Variants in ERAP1 observed in about 807,000 individuals in gnomAD.
ERAP1 encodes the protein adipocyte-derived leucine aminopeptidase.
ERAP1 carries 86 observed loss-of-function variants against 103.7 expected under a neutral mutation model. That is an observed-to-expected ratio of 0.83 (90% CI 0.70 to 0.99). The LOEUF is 0.99. ERAP1 is among the 50% of genes least tolerant of loss of function. The pLI is 0.00. For synonymous variants in ERAP1, 398 were observed against 402.4 expected, an observed-to-expected ratio of 0.99 and a Z score of 0.13; for missense variants, 1,009 against 1,128.4, an observed-to-expected ratio of 0.89 and a Z score of 1.52.
At chr5:96,931,314 G>A in the ERAP1 span, among the ~76,000 whole-genome samples, 89 of 152,148 alleles carry the variant, frequency 5.8e-4, 1 homozygote, top group South Asian at 0.017. Flanking sequence ...AGACCACCAC[G>A]CTTAGCTAAT....
the ERAP1 span, among the ~76,000 whole-genome samples, chr5:96,845,962 G>T: frequency 6.6e-6 from 1 of 152,108 alleles, no homozygotes; most frequent in African/African-American, 2.4e-5. Flanking sequence ...GCATACAATA[G>T]GGCATAATTT....
At chr5:96,783,883 A>G in intron 14 of ERAP1, 41 bp downstream of exon 14, 2 of 1,521,160 alleles carry the variant, frequency 1.3e-6, no homozygotes, top group Non-Finnish European at 1.8e-6. Context: ...ACACTTTTTA[A>G]CACAAATAAT....
At chr5:96,802,591 A>G (rs1778127066) in intron 2 of ERAP1, among the ~76,000 whole-genome samples, 1 of 152,204 alleles carries the variant, frequency 6.6e-6, no homozygotes, top group Admixed American at 6.5e-5. Flanking sequence ...ATCTCCCCCA[A>G]ATAAGTCTCC....
chr5:96,916,456 CTTTTTTTTTTT>C, the ERAP1 span, among the ~76,000 whole-genome samples: 1 of 97,640 alleles, frequency 1.0e-5, no homozygotes, highest in African/African-American at 4.3e-5. Context: ...TTCTAGTTAT[CTTTTTTTTTTT>C]TTTTTTTTTT....
chr5:96,763,105 A>C (rs1768569263), exon 20 of ERAP1: 5 of 777,478 alleles, frequency 6.4e-6, no homozygotes, highest in Non-Finnish European at 1.2e-5. Flanking sequence ...CTAGATGGAG[A>C]TGAAGTAACT....
chr5:96,844,275 A>G, the ERAP1 span, among the ~76,000 whole-genome samples: 3 of 152,132 alleles, frequency 2.0e-5, no homozygotes, highest in Non-Finnish European at 4.4e-5. Context: ...ACAGCAATCA[A>G]ACTCTGTCAC....
In ERAP1 at chr5:96,786,529, A is replaced by C; in HGVS notation, c.1700T>G (p.Leu567Trp). 6.2e-7 allele frequency: 1 copy of C among 1,612,462 alleles called. No homozygotes were observed. Among genetic ancestry groups the C allele is most frequent in the Non-Finnish European group, 8.5e-7 (1 of 1,178,708 alleles). Reference sequence around the variant, plus strand: ...GTCGGATTTGCTGGTGATGAATGTCAATGGAACATGCCACAGGTACCTAAA... The same window carrying C: ...GTCGGATTTGCTGGTGATGAATGTCCATGGAACATGCCACAGGTACCTAAA... ...PDTGYLWHVP[L>W]TFITSKSDMV... Residue 567 changes from leucine (L) to tryptophan (W), a missense_variant, in exon 12 of 19, where the codon TTG (leucine) becomes TGG (tryptophan). Transcript: ENST00000443439.
intron 1 of ERAP1, 136 bp downstream of exon 1, chr5:96,807,724 C>CTT: frequency 1.8e-6 from 1 of 558,192 alleles, no homozygotes; most frequent in Non-Finnish European, 2.3e-6. Flanking sequence ...GCCCCGTCTC[C>CTT]CTCCTCCCGT....
chr5:96,822,461 T>C, the ERAP1 span, among the ~76,000 whole-genome samples: 2 of 152,076 alleles, frequency 1.3e-5, no homozygotes, highest in African/African-American at 4.8e-5. Context: ...TAGAAAAAAA[T>C]CCAGATAAAG....
the ERAP1 span, among the ~76,000 whole-genome samples, chr5:96,882,351 T>C: frequency 6.6e-6 from 1 of 152,228 alleles, no homozygotes; most frequent in South Asian, 2.1e-4. Flanking sequence ...TGTAGGACTT[T>C]CCAGCATGCC....
intron 3 of ERAP1, among the ~76,000 whole-genome samples, chr5:96,799,713 A>G (rs1343550085): frequency 1.3e-5 from 2 of 152,318 alleles, no homozygotes; most frequent in Non-Finnish European, 2.9e-5. Flanking sequence ...GGGGGAGAGG[A>G]CTATATTTTG....
rs747808970 is a variant in ERAP1, at chr5:96,803,708, C to T, written c.219G>A (p.Thr73=). 50 of 1,613,994 alleles carry T rather than the reference C, an allele frequency of 3.1e-5. No homozygotes were observed. Among genetic ancestry groups the T allele is most frequent in the South Asian group, 5.5e-5 (5 of 91,082 alleles). Residue 73 remains threonine, a synonymous_variant, in exon 2 of 19, where the codon ACG becomes ACA. Coordinates refer to ENST00000443439, the MANE Select transcript of ERAP1 (RefSeq NM_001040458.3). ...CTTTCGTGGTTCCCCAGAAGGTCAG[C>T]GTGGTAAGGTTTGCATGGATCAAGA... The part of the protein sequence containing the change: ...YDLLIHANLT[T]LTFWGTTKVE...
the ERAP1 span, among the ~76,000 whole-genome samples, chr5:96,855,071 T>G: frequency 3.6e-4 from 55 of 152,350 alleles, no homozygotes; most frequent in African/African-American, 1.3e-3. Flanking sequence ...TATGAAGTTT[T>G]TTCTCTATTA....
At chr5:96,802,759 A>C (rs1464027035) in intron 2 of ERAP1, among the ~76,000 whole-genome samples, 1 of 152,174 alleles carries the variant, frequency 6.6e-6, no homozygotes. Flanking sequence ...GGGTCTTTAC[A>C]AGTATCATGG....
At chr5:96,807,205 G>A (rs1038098537) in intron 1 of ERAP1, among the ~76,000 whole-genome samples, 1 of 152,184 alleles carries the variant, frequency 6.6e-6, no homozygotes, top group Admixed American at 6.5e-5. Context: ...GTCAACAGAG[G>A]TGCTTTATCT....
the ERAP1 span, among the ~76,000 whole-genome samples, chr5:96,841,308 C>T: frequency 6.6e-6 from 1 of 152,176 alleles, no homozygotes; most frequent in Non-Finnish European, 1.5e-5. Flanking sequence ...ATAACCCTGT[C>T]CTGCTGGCCA....
Position 96,767,027 on chromosome 5 carries a change from TTTA to T in ERAP1, c.2819-3802_2819-3800del, listed in dbSNP as rs1376570439. Among the ~76,000 whole-genome samples the T allele has an allele frequency of 2.0e-5, 3 of 152,320 alleles. No individual in the cohort carries two copies. In the East Asian group the frequency reaches 5.8e-4, roughly 29 times the overall value. On this transcript the variant is annotated intron_variant, in intron 19 of 19. Transcript: ENST00000296754. ...CACCCTGCTTGCGTTCTTTGGGAAA[TTTA>T]TTATTTAAGGCCCTTGCCTTTGAAG...
At chr5:96,918,932 C>T in the ERAP1 span, 1 of 152,138 alleles carries the variant, frequency 6.6e-6, no homozygotes, top group Admixed American at 6.5e-5. Flanking sequence ...AAATGCCCTG[C>T]TAAATGCTTC....
chr5:96,928,887 G>A, the ERAP1 span, among the ~76,000 whole-genome samples: 4 of 152,216 alleles, frequency 2.6e-5, no homozygotes, highest in Non-Finnish European at 4.4e-5. Flanking sequence ...GATCTCATGA[G>A]ATGGGTAAGA....
Sources: allele counts gnomAD v4.1 joint callset (sites outside exome capture counted in the v4.1 genomes callset), GRCh38; gene constraint gnomAD v4.1.1; transcripts MANE v1.5; gene names NCBI Gene and HGNC (gene_info 2026-07-23, HGNC 2026-07-21).